SIK2: variants seen among roughly 807,000 people sequenced by gnomAD.
The protein encoded by SIK2 is serine/threonine-protein kinase SIK2.
SIK2 carries 29 observed loss-of-function variants against 103.2 expected under a neutral mutation model. The ratio of observed to expected loss-of-function variants is 0.28; its 90% CI spans 0.21 to 0.38. SIK2 has a LOEUF of 0.38. Among genes scored for constraint, SIK2 ranks in the 10% least tolerant of loss-of-function variants. SIK2 has a pLI of 1.00. For missense variants in SIK2, 879 were observed against 1,171.0 expected (o/e 0.75, Z 3.64); for synonymous variants, 412 against 446.1 (o/e 0.92, Z 0.96).
chr11:111,642,281 A>T (rs1942193338), intron 3 of SIK2, among the ~76,000 whole-genome samples: 1 of 152,150 alleles, frequency 6.6e-6, no homozygotes, highest in Non-Finnish European at 1.5e-5. Flanking sequence ...CTGCCCTCAC[A>T]TCAGAGGCCA....
intron 4 of SIK2, among the ~76,000 whole-genome samples, chr11:111,692,487 C>T (rs570288860): frequency 4.0e-5 from 6 of 148,640 alleles, no homozygotes; most frequent in East Asian, 2.0e-4. Flanking sequence ...GAGGCCAGAG[C>T]GAATTGGAGT....
chr11:111,653,182 G>C (rs192105065), intron 3 of SIK2, among the ~76,000 whole-genome samples: 1 of 152,272 alleles, frequency 6.6e-6, no homozygotes, highest in Non-Finnish European at 1.5e-5. Flanking sequence ...CCTGAGAGTA[G>C]GTCTGAGAGG....
At chr11:111,678,257 C>A (rs558105977) in intron 3 of SIK2, among the ~76,000 whole-genome samples, 39 of 152,324 alleles carry the variant, frequency 2.6e-4, no homozygotes, top group African/African-American at 9.4e-4. Flanking sequence ...GTACCTCTAA[C>A]ATTTATTGCC....
intron 9 of SIK2, among the ~76,000 whole-genome samples, chr11:111,719,490 T>A (rs1943741118): frequency 6.6e-6 from 1 of 151,816 alleles, no homozygotes; most frequent in Admixed American, 6.6e-5. Context: ...CCCCTGTTCT[T>A]CTGGAAACCA....
rs773989100 is a variant in SIK2 at position 111,661,088 on chromosome 11, G to A, written c.317-26913G>A. Among the ~76,000 whole-genome samples the A allele has an allele frequency of 9.9e-5, 15 of 152,110 alleles. No individual in the cohort carries two copies. In the South Asian group the frequency reaches 1.9e-3, roughly 19 times the overall value. ...CTTGCTGAGTTTGTGCATACCAGTC[G>A]AGATGAATCTAAAAATACTGAGTAT... is the stretch of plus-strand genomic sequence containing the variant. On this transcript the variant is annotated intron_variant, in intron 3 of 14. Coordinates refer to ENST00000304987, the MANE Select transcript of SIK2 (RefSeq NM_015191.3).
chr11:111,692,646 G>A (rs1942975793), intron 4 of SIK2, among the ~76,000 whole-genome samples: 1 of 152,060 alleles, frequency 6.6e-6, no homozygotes, highest in Non-Finnish European at 1.5e-5. Flanking sequence ...ATTTTTATCT[G>A]TAAATTTTAT....
At chr11:111,703,947 T>A (rs541456623) in intron 7 of SIK2, among the ~76,000 whole-genome samples, 1 of 152,224 alleles carries the variant, frequency 6.6e-6, no homozygotes, top group Non-Finnish European at 1.5e-5. Flanking sequence ...TCCTCTTGGC[T>A]TTTATTTCTG....
intron 3 of SIK2, among the ~76,000 whole-genome samples, chr11:111,643,194 A>C (rs1942207955): frequency 6.6e-6 from 1 of 152,184 alleles, no homozygotes; most frequent in South Asian, 2.1e-4. Flanking sequence ...ACCCCTAGTA[A>C]AGTGCTTTTG....
At position 111,723,608 on chromosome 11, in the gene SIK2, C is replaced by T. The variant is rs1212336762; in HGVS notation, c.2260C>T (p.Pro754Ser). 1.2e-6 allele frequency: 2 copies of T among 1,613,830 alleles called. No homozygotes were observed. The highest frequency in any genetic ancestry group is 1.7e-6 in the Non-Finnish European group (2 of 1,179,980). Residue 754 changes from proline (P) to serine (S), a missense_variant, in exon 15 of 15, where the codon CCC becomes TCC. Pro to Ser is a moderately conservative substitution (Grantham distance 74, BLOSUM62 -1). Around this residue, in one of 7 missense-constraint regions of SIK2, gnomAD observed 375 missense variants for 416.3 expected, o/e 0.90. Coordinates refer to ENST00000304987, the MANE Select transcript of SIK2 (RefSeq NM_015191.3). ...YPQPSQQLPL[P>S]RQETPPPSQQ... ...ACAGCCAAGTCAGCAGCTGCCCCTT[C>T]CCCGCCAGGAGACTCCACCGCCTTC...
chr11:111,638,046 G>T (rs192556066), intron 3 of SIK2, among the ~76,000 whole-genome samples: 1 of 152,260 alleles, frequency 6.6e-6, no homozygotes, highest in Non-Finnish European at 1.5e-5. Context: ...TCACTGCTAG[G>T]GTGATCTGAC....
At position 111,688,048 on chromosome 11, in the gene SIK2, A is replaced by T; in HGVS notation, c.364A>T (p.Lys122Ter). Residue 122 changes from lysine (K) to a stop codon, truncating the protein, a stop_gained, in exon 4 of 15, where the codon AAA becomes TAA. Transcript: ENST00000304987. LOFTEE classifies it high-confidence loss of function. This position sits in a 1 kb window ranked among gnomAD's most constrained non-coding sequence, Gnocchi z 4.2. ...GRLNESEARR[K>*]FWQILSAVDY... ...GTTAAATGAGTCTGAAGCCAGGCGA[A>T]AATTCTGGCAAATCCTGTCTGCTGT... 1 of 1,614,216 alleles carries T rather than the reference A, an allele frequency of 6.2e-7. No individual in the cohort carries two copies. The highest frequency in any genetic ancestry group is 8.5e-7 in the Non-Finnish European group (1 of 1,180,036).
chr11:111,728,708 C>T lies in SIK2; in HGVS notation c.*4579C>T, dbSNP rs575887305. 1 of 152,128 alleles carries T rather than the reference C, an allele frequency of 6.6e-6. No individual in the cohort carries two copies. Among genetic ancestry groups the T allele is most frequent in the South Asian group, 2.1e-4 (1 of 4,822 alleles). The allele number at this position is 152,128 out of a possible 1,614,324, so 9.4% of individuals were successfully genotyped here. On this transcript the variant is annotated 3_prime_UTR_variant, in exon 15 of 15. Coordinates refer to ENST00000304987, the MANE Select transcript of SIK2 (RefSeq NM_015191.3). ...CTTTGGGAGGCCAAGGCAGGCGGAT[C>T]ACGAGGTCAGGAGATTGAGACCATC...
intron 4 of SIK2, among the ~76,000 whole-genome samples, chr11:111,695,531 A>G (rs116527534): frequency 6.6e-6 from 1 of 152,336 alleles, no homozygotes; most frequent in African/African-American, 2.4e-5. Flanking sequence ...AACATTGACA[A>G]ACTGTTTAAA....
intron 3 of SIK2, chr11:111,672,285 C>T: frequency 2.5e-6 from 1 of 400,556 alleles, no homozygotes; most frequent in Non-Finnish European, 4.6e-6. Context: ...CTGTTGCCCA[C>T]CAGGAGAAGC....
intron 3 of SIK2, among the ~76,000 whole-genome samples, chr11:111,628,416 A>ATCTATCTTTCTTTCTTTCTTTCTT (rs1941989555): frequency 7.2e-5 from 9 of 125,674 alleles, no homozygotes; most frequent in South Asian, 3.4e-4. Flanking sequence ...CCGCTTTCAT[A>ATCTATCTTTCTTTCTTTCTTTCTT]TCTTTCTTTC....
rs145459440 is a variant in SIK2, at chr11:111,665,222, C to A, written c.317-22779C>A. On this transcript the variant is annotated intron_variant, in intron 3 of 14. Coordinates refer to ENST00000304987, the MANE Select transcript of SIK2 (RefSeq NM_015191.3). Reference sequence around the variant, plus strand: ...AGTGGGTAGGAGATATTAGAATCAACATTTAGAAATGTCAGAAGTTCAAGA... The same window carrying A: ...AGTGGGTAGGAGATATTAGAATCAAAATTTAGAAATGTCAGAAGTTCAAGA... Among the ~76,000 whole-genome samples the A allele has an allele frequency of 8.0e-4, 121 of 151,624 alleles. 1 individual carries two copies. In the South Asian group the frequency reaches 0.019, roughly 24 times the overall value.
chr11:111,727,309 C>T lies in SIK2; in HGVS notation c.*3180C>T. On this transcript the variant is annotated 3_prime_UTR_variant, in exon 15 of 15. Transcript: ENST00000304987. ...TCATGCCCATCTGAGCAAACCCCTTCTCTCTTCCATCCACTTTTGCCTCCT... is the reference window on the plus strand; with the variant it reads ...TCATGCCCATCTGAGCAAACCCCTTTTCTCTTCCATCCACTTTTGCCTCCT... 1 of 515,570 alleles carries T rather than the reference C, an allele frequency of 1.9e-6. No homozygotes were observed. Among genetic ancestry groups the T allele is most frequent in the South Asian group, 3.3e-5 (1 of 30,106 alleles). The allele number at this position is 515,570 out of a possible 1,614,324, so 31.9% of individuals were successfully genotyped here. A position where few individuals can be genotyped will look rare whatever the true frequency, so the allele number is the denominator to read the frequency against.
chr11:111,666,013 G>T (rs1345205358), intron 3 of SIK2, among the ~76,000 whole-genome samples: 1 of 152,222 alleles, frequency 6.6e-6, no homozygotes. Flanking sequence ...TACAATGTGT[G>T]TGACTACTGC....
chr11:111,655,366 T>C (rs1942378663), intron 3 of SIK2, among the ~76,000 whole-genome samples: 1 of 152,198 alleles, frequency 6.6e-6, no homozygotes, highest in African/African-American at 2.4e-5. Flanking sequence ...ATTGCGCCAC[T>C]GCACTCCAGC....
Sources: gnomAD v4.1 joint callset for allele counts (sites outside exome capture counted in the v4.1 genomes callset) on GRCh38, gnomAD v4.1.1 for gene constraint, gnomAD v4.1.1 regional missense constraint, Gnocchi (gnomAD v3.1) non-coding constraint, MANE v1.5 for transcripts, NCBI Gene and HGNC (gene_info 2026-07-23, HGNC 2026-07-21) for gene names.